WDR20: variants seen among roughly 807,000 people sequenced by gnomAD.
WDR20 encodes the protein WD repeat-containing protein 20.
In WDR20, 3 loss-of-function variants were observed where a neutral mutation model predicts 38.7. The ratio of observed to expected loss-of-function variants is 0.08; its 90% CI spans 0.04 to 0.20. The LOEUF is 0.20. WDR20 is among the 10% of genes least tolerant of loss of function. The pLI is 1.00. For synonymous variants in WDR20, 298 were observed against 285.6 expected, an observed-to-expected ratio of 1.04 and a Z score of -0.44; for missense variants, 559 against 727.7, an observed-to-expected ratio of 0.77 and a Z score of 2.67.
In WDR20 at chr14:102,209,261, G is replaced by A. The variant is rs762475047; in HGVS notation, c.1091G>A (p.Ser364Asn). Residue 364 changes from serine to asparagine, a missense_variant, in exon 3 of 3, where the codon AGT becomes AAT. Physicochemically the swap from Ser to Asn is conservative, Grantham distance 46. Coordinates refer to ENST00000342702, the MANE Select transcript of WDR20 (RefSeq NM_144574.4). The surrounding 1 kb of genome is among the most constrained non-coding windows in gnomAD (Gnocchi z 6.0). Reference sequence around the variant, plus strand: ...AACTCTACAGACAGCCGCCCCGTAAGTGTCACGTATCGGTTTGGTTCCGTG... The same window carrying A: ...AACTCTACAGACAGCCGCCCCGTAAATGTCACGTATCGGTTTGGTTCCGTG... ...KRNSTDSRPV[S>N]VTYRFGSVGQ... 4.3e-6 allele frequency: 7 copies of A among 1,614,184 alleles called. No homozygotes were observed. In the Admixed American group the frequency reaches 5.0e-5, roughly 12 times the overall value.
chr14:102,161,991 T>C (rs1203402882), intron 1 of WDR20, among the ~76,000 whole-genome samples: 6 of 152,330 alleles, frequency 3.9e-5, no homozygotes, highest in Non-Finnish European at 5.9e-5. Flanking sequence ...CAGTCTTTAC[T>C]AACCCATACC....
intron 1 of WDR20, among the ~76,000 whole-genome samples, chr14:102,147,784 G>T (rs544411866): frequency 6.6e-6 from 1 of 152,222 alleles, no homozygotes; most frequent in Non-Finnish European, 1.5e-5. Flanking sequence ...AGGCTGGAGT[G>T]CAATGGCATG....
Position 102,220,954 on chromosome 14 carries a change from A to T in WDR20, c.1693-1876A>T, listed in dbSNP as rs780355764. Among the ~76,000 whole-genome samples, 6 of 152,042 alleles carry T rather than the reference A, an allele frequency of 3.9e-5. No individual in the cohort carries two copies. The highest frequency in any genetic ancestry group is 5.9e-5 in the Non-Finnish European group (4 of 68,004). On this transcript the variant is annotated intron_variant, in intron 3 of 3. Transcript: ENST00000335263. This position sits in a 1 kb window ranked among gnomAD's most constrained non-coding sequence, Gnocchi z 4.2. ...CCCGGCTAATTTTGTATTAGTAGAG[A>T]TGGAGTTTCACCATGTTGGCCAGGC...
intron 2 of WDR20, among the ~76,000 whole-genome samples, chr14:102,202,772 C>T (rs2060731921): frequency 6.6e-6 from 1 of 152,082 alleles, no homozygotes. Flanking sequence ...GAGACAGGGT[C>T]TCACTGTGTC....
chr14:102,147,179 G>A (rs943553470), intron 1 of WDR20, among the ~76,000 whole-genome samples: 1 of 152,180 alleles, frequency 6.6e-6, no homozygotes, highest in African/African-American at 2.4e-5. Flanking sequence ...TGGATCATCT[G>A]GGGTTAGGAG....
chr14:102,197,601 C>T (rs2059624380), intron 2 of WDR20, among the ~76,000 whole-genome samples: 1 of 152,138 alleles, frequency 6.6e-6, no homozygotes, highest in Non-Finnish European at 1.5e-5. Flanking sequence ...CTTGGAGTGT[C>T]AGAGTTCGAA....
At chr14:102,224,638 T>C (rs1597200771), downstream of WDR20, 1 of 455,946 alleles carries the variant, frequency 2.2e-6, no homozygotes, top group Admixed American at 2.3e-5. Flanking sequence ...TCACCATTTG[T>C]ATGAATGCAG....
At chr14:102,147,548 G>A (rs1012675323) in intron 1 of WDR20, among the ~76,000 whole-genome samples, 1 of 152,166 alleles carries the variant, frequency 6.6e-6, no homozygotes, top group African/African-American at 2.4e-5. Context: ...GGTGTAGTCA[G>A]AGTCTCTGCC....
intron 1 of WDR20, among the ~76,000 whole-genome samples, chr14:102,161,546 T>C (rs2058757582): frequency 1.3e-5 from 2 of 152,088 alleles, no homozygotes; most frequent in South Asian, 4.1e-4. Context: ...TAGTGTGTTT[T>C]AGCATTTAGC....
At chr14:102,145,837 A>AACGTTCCT (rs2053436660) in intron 1 of WDR20, among the ~76,000 whole-genome samples, 1 of 152,252 alleles carries the variant, frequency 6.6e-6, no homozygotes, top group East Asian at 1.9e-4. Context: ...CAAGCCAAAG[A>AACGTTCCT]ACCTTCCTAC....
chr14:102,151,422 G>T (rs2055817465), intron 1 of WDR20, among the ~76,000 whole-genome samples: 1 of 152,036 alleles, frequency 6.6e-6, no homozygotes, highest in African/African-American at 2.4e-5. Flanking sequence ...TTGAGACAGG[G>T]TCTCACTTTG....
At chr14:102,218,901 A>T (rs1341520815), downstream of WDR20, among the ~76,000 whole-genome samples, 2 of 152,192 alleles carry the variant, frequency 1.3e-5, no homozygotes, top group Non-Finnish European at 2.9e-5. Flanking sequence ...GCACAGGTGA[A>T]GCGTGGGCGG....
chr14:102,204,504 G>A (rs759110960), intron 2 of WDR20, among the ~76,000 whole-genome samples: 1 of 152,116 alleles, frequency 6.6e-6, no homozygotes, highest in Non-Finnish European at 1.5e-5. Flanking sequence ...AATTTCATGA[G>A]GGAAAGATGC....
intron 2 of WDR20, among the ~76,000 whole-genome samples, chr14:102,206,854 A>C (rs138956479): frequency 6.6e-6 from 1 of 152,144 alleles, no homozygotes; most frequent in African/African-American, 2.4e-5. Context: ...ACCGTTCACC[A>C]TCCCATCATC....
chr14:102,212,398 G>A (rs1272746619), downstream of WDR20: 12 of 1,079,284 alleles, frequency 1.1e-5, no homozygotes, highest in Admixed American at 2.6e-4. Flanking sequence ...CCAGCCTGGG[G>A]AGGGGCTGCC....
intron 1 of WDR20, among the ~76,000 whole-genome samples, chr14:102,141,056 A>C (rs2152649541): frequency 6.6e-6 from 1 of 152,346 alleles, no homozygotes; most frequent in South Asian, 2.1e-4. Flanking sequence ...ATCCTTTAAA[A>C]GTATCTCTTT....
At chr14:102,169,118 A>C (rs1295248402) in intron 1 of WDR20, among the ~76,000 whole-genome samples, 1 of 152,112 alleles carries the variant, frequency 6.6e-6, no homozygotes, top group East Asian at 1.9e-4. Context: ...CATTCCATGA[A>C]GAGCAGCTGC....
intron 1 of WDR20, among the ~76,000 whole-genome samples, chr14:102,166,035 A>T (rs936274881): frequency 6.6e-6 from 1 of 152,128 alleles, no homozygotes; most frequent in Non-Finnish European, 1.5e-5. Context: ...TTGGTCACCC[A>T]GGCTGGAGTA....
At chr14:102,145,646 C>T (rs1290537874) in intron 1 of WDR20, among the ~76,000 whole-genome samples, 2 of 152,138 alleles carry the variant, frequency 1.3e-5, no homozygotes, top group Non-Finnish European at 2.9e-5. Flanking sequence ...TGTCATGTGC[C>T]TCTAGTCCCA....
Sources: allele counts gnomAD v4.1 joint callset (sites outside exome capture counted in the v4.1 genomes callset), GRCh38; gene constraint gnomAD v4.1.1; non-coding constraint Gnocchi (gnomAD v3.1); transcripts MANE v1.5; gene names NCBI Gene and HGNC (gene_info 2026-07-23, HGNC 2026-07-21).